The following STIM2 variants were observed in gnomAD, a reference collection of about 807,000 sequenced individuals.
STIM2 encodes stromal interaction molecule 2.
STIM2 carries 31 observed loss-of-function variants against 85.8 expected under a neutral mutation model. The ratio of observed to expected loss-of-function variants is 0.36; its 90% CI spans 0.27 to 0.49. The LOEUF is 0.49. Ranked by LOEUF, STIM2 falls within the 20% of genes least tolerant of loss-of-function variation. The pLI is 0.98. For missense variants in STIM2, 841 were observed against 927.6 expected (o/e 0.91, Z 1.21); for synonymous variants, 356 against 331.1 (o/e 1.08, Z -0.82).
chr4:27,025,043 G>A lies in STIM2; in HGVS notation c.*2047G>A, dbSNP rs1560246061. ...GGGGCCGGCACTGCTGCTTAGAGTG[G>A]AGGAGGCTGGCCAAAGAGACTGTGG... On this transcript the variant is annotated 3_prime_UTR_variant, in exon 12 of 12. Coordinates refer to ENST00000467087, the MANE Select transcript of STIM2 (RefSeq NM_020860.4). 1 of 152,228 alleles carries A rather than the reference G, an allele frequency of 6.6e-6. No homozygotes were observed. The highest frequency in any genetic ancestry group is 1.5e-5 in the Non-Finnish European group (1 of 68,062). 9.4% of individuals were successfully genotyped at this position (152,228 alleles called of 1,614,324 possible).
At chr4:26,969,574 T>C (rs1403355203) in intron 3 of STIM2, among the ~76,000 whole-genome samples, 2 of 152,222 alleles carry the variant, frequency 1.3e-5, no homozygotes, top group Non-Finnish European at 2.9e-5. Flanking sequence ...CAGATTGCAA[T>C]GTGAGATAGT....
At chr4:26,935,211 T>C (rs1188699791) in intron 2 of STIM2, among the ~76,000 whole-genome samples, 1 of 152,164 alleles carries the variant, frequency 6.6e-6, no homozygotes, top group Non-Finnish European at 1.5e-5. Context: ...AAGATTCTTA[T>C]GTAGGTGGAA....
chr4:27,007,848 C>A, intron 8 of STIM2, 148 bp downstream of exon 8: 2 of 836,016 alleles, frequency 2.4e-6, no homozygotes, highest in African/African-American at 1.7e-5. Flanking sequence ...TAAATAGACT[C>A]TAGTAATCAT....
At chr4:26,964,959 A>G (rs1444453227) in intron 3 of STIM2, among the ~76,000 whole-genome samples, 3 of 152,184 alleles carry the variant, frequency 2.0e-5, no homozygotes, top group African/African-American at 7.2e-5. Flanking sequence ...ACGCTGTGCT[A>G]GATTAATAGC....
intron 2 of STIM2, among the ~76,000 whole-genome samples, chr4:26,920,102 C>T (rs1210477397): frequency 6.6e-6 from 1 of 152,152 alleles, no homozygotes; most frequent in Non-Finnish European, 1.5e-5. Flanking sequence ...CTAAGACAGC[C>T]TCTTATTCTG....
At chr4:26,911,832 A>G (rs1724353340) in intron 1 of STIM2, among the ~76,000 whole-genome samples, 2 of 152,184 alleles carry the variant, frequency 1.3e-5, no homozygotes, top group Admixed American at 1.3e-4. Flanking sequence ...AGCAGCTTTT[A>G]TTATTTATGC....
intron 1 of STIM2, among the ~76,000 whole-genome samples, chr4:26,870,041 T>G (rs1577405217): frequency 6.6e-6 from 1 of 151,972 alleles, no homozygotes; most frequent in African/African-American, 2.4e-5. Context: ...TTATGCTAAG[T>G]GAAGTAACGC....
At chr4:26,965,919 A>C (rs528540330) in intron 3 of STIM2, among the ~76,000 whole-genome samples, 1 of 152,290 alleles carries the variant, frequency 6.6e-6, no homozygotes, top group Non-Finnish European at 1.5e-5. Context: ...GAACACGTGA[A>C]ATAAATGTTT....
chr4:27,003,669 C>T (rs1427561550), intron 7 of STIM2, among the ~76,000 whole-genome samples: 1 of 151,600 alleles, frequency 6.6e-6, no homozygotes, highest in Non-Finnish European at 1.5e-5. Context: ...TTTCCTGTTC[C>T]TGCTGTAAAA....
chr4:26,911,685 A>T (rs760890564), intron 1 of STIM2, among the ~76,000 whole-genome samples: 8 of 152,206 alleles, frequency 5.3e-5, no homozygotes, highest in Non-Finnish European at 1.0e-4. Context: ...GTCCAGTTAC[A>T]ACTTTCCCTT....
At chr4:26,889,816 T>C (rs574089539) in intron 1 of STIM2, among the ~76,000 whole-genome samples, 2 of 152,316 alleles carry the variant, frequency 1.3e-5, no homozygotes, top group African/African-American at 4.8e-5. Context: ...TCTACTTGAT[T>C]ATTAAAATCC....
intron 3 of STIM2, among the ~76,000 whole-genome samples, chr4:26,984,391 C>T (rs1727506070): frequency 6.6e-6 from 1 of 152,220 alleles, no homozygotes; most frequent in Non-Finnish European, 1.5e-5. Context: ...GAGTCTCACT[C>T]ACTCTGTTGC....
intron 6 of STIM2, among the ~76,000 whole-genome samples, 185 bp downstream of exon 6, chr4:27,002,579 C>T (rs1174918652): frequency 6.6e-6 from 1 of 152,068 alleles, no homozygotes. Flanking sequence ...AATGTGTATA[C>T]TTGAGAATAA....
At chr4:26,974,136 G>T (rs559590789) in intron 3 of STIM2, among the ~76,000 whole-genome samples, 2 of 152,058 alleles carry the variant, frequency 1.3e-5, no homozygotes, top group African/African-American at 2.4e-5. Flanking sequence ...GTCTTTGCGC[G>T]TGCTGTGGGT....
chr4:26,874,047 T>TG (rs923313659), intron 1 of STIM2: 12 of 672,478 alleles, frequency 1.8e-5, no homozygotes, highest in Non-Finnish European at 3.4e-5. Flanking sequence ...TCAGGACTCC[T>TG]GGATTCTCTG....
At chr4:26,955,859 T>G (rs1366690341) in intron 2 of STIM2, among the ~76,000 whole-genome samples, 2 of 152,200 alleles carry the variant, frequency 1.3e-5, no homozygotes, top group Non-Finnish European at 2.9e-5. Flanking sequence ...AATGACCACA[T>G]GTTCAACAGT....
At position 26,912,053 on chromosome 4, in the gene STIM2, C is replaced by T. The variant is rs116520503; in HGVS notation, c.152-7451C>T. ...GAAAAATGACACCTGAAAATTTTCTCGAGAATTTACTCTGAAAATACTCAC... is the reference window on the plus strand; with the variant it reads ...GAAAAATGACACCTGAAAATTTTCTTGAGAATTTACTCTGAAAATACTCAC... On this transcript the variant is annotated intron_variant, in intron 1 of 11. Coordinates refer to ENST00000467087, the MANE Select transcript of STIM2 (RefSeq NM_020860.4). 5.8e-3 allele frequency among the ~76,000 whole-genome samples: 884 copies of T among 152,034 alleles called. 18 individuals carry two copies. The highest frequency in any genetic ancestry group is 0.02 in the African/African-American group (842 of 41,466).
chr4:26,873,221 G>A (rs1722692928), intron 1 of STIM2, among the ~76,000 whole-genome samples: 1 of 152,120 alleles, frequency 6.6e-6, no homozygotes, highest in African/African-American at 2.4e-5. Flanking sequence ...CCAACATGGT[G>A]AAACCCCATC....
At chr4:26,950,358 T>C (rs1241101735) in intron 2 of STIM2, among the ~76,000 whole-genome samples, 1 of 152,210 alleles carries the variant, frequency 6.6e-6, no homozygotes, top group Non-Finnish European at 1.5e-5. Flanking sequence ...ACTCCTGTTT[T>C]AGATAGAAAT....
Sources: gnomAD v4.1 joint callset for allele counts (sites outside exome capture counted in the v4.1 genomes callset) on GRCh38, gnomAD v4.1.1 for gene constraint, MANE v1.5 for transcripts, NCBI Gene and HGNC (gene_info 2026-07-23, HGNC 2026-07-21) for gene names.